ZNF410: variants seen among roughly 807,000 people sequenced by gnomAD.
ZNF410 encodes the protein another partner for ARF 1.
A neutral mutation model predicts 54.8 loss-of-function variants in ZNF410; 18 were observed. That is an observed-to-expected ratio of 0.33 (90% CI 0.23 to 0.49). ZNF410 has a LOEUF of 0.49. Among genes scored for constraint, ZNF410 ranks in the 20% least tolerant of loss-of-function variants. The pLI is 0.99. For missense variants in ZNF410, 405 were observed against 569.6 expected (o/e 0.71, Z 2.94); for synonymous variants, 191 against 207.3 (o/e 0.92, Z 0.68).
intron 8 of ZNF410, among the ~76,000 whole-genome samples, chr14:73,919,820 G>A (rs12050300): frequency 0.069 from 10,205 of 147,772 alleles, 859 homozygotes; most frequent in East Asian, 0.44. Flanking sequence ...GGGATTGCTG[G>A]TTCAAATGGT....
chr14:73,927,850 A>ATTTTTTT (rs769693607), intron 11 of ZNF410: 4 of 135,244 alleles, frequency 3.0e-5, no homozygotes, highest in Non-Finnish European at 3.1e-5. Flanking sequence ...TTTTTTTTTA[A>ATTTTTTT]TTTTTTAGAC....
chr14:73,905,142 T>C (rs1384006664), intron 7 of ZNF410, 59 bp downstream of exon 7: 3 of 1,554,704 alleles, frequency 1.9e-6, no homozygotes, highest in Non-Finnish European at 2.6e-6. Flanking sequence ...CATGTTTGCC[T>C]CTCCTTAGGA....
intron 4 of ZNF410, among the ~76,000 whole-genome samples, chr14:73,897,740 G>A (rs1019013750): frequency 2.0e-5 from 3 of 152,020 alleles, no homozygotes; most frequent in Non-Finnish European, 4.4e-5. Flanking sequence ...TTGGGAGGCC[G>A]ACGTGGGCGA....
At chr14:73,924,693 T>G in intron 11 of ZNF410, 1 of 450,232 alleles carries the variant, frequency 2.2e-6, no homozygotes. Flanking sequence ...CTTTTTTTTT[T>G]TGAGACAGAG....
chr14:73,908,133 A>G (rs1300956387), intron 7 of ZNF410, among the ~76,000 whole-genome samples: 1 of 152,070 alleles, frequency 6.6e-6, no homozygotes, highest in African/African-American at 2.4e-5. Context: ...ACAGACCCCA[A>G]AGGCCATGTT....
chr14:73,920,910 C>T, intron 8 of ZNF410, 70 bp from the exon 9 acceptor site: 1 of 1,589,366 alleles, frequency 6.3e-7, no homozygotes, highest in Non-Finnish European at 8.6e-7. Flanking sequence ...CTGGGTTTCT[C>T]CATCTAGGTC....
intron 7 of ZNF410, among the ~76,000 whole-genome samples, chr14:73,907,736 A>T (rs745532029): frequency 1.6e-4 from 25 of 152,078 alleles, no homozygotes; most frequent in Middle Eastern, 3.2e-3. Flanking sequence ...TACTAAAAAT[A>T]CAAAAATTAG....
Position 73,893,788 on chromosome 14 carries a change from T to TC in ZNF410, c.34-3dup, listed in dbSNP as rs748490279. On this transcript the variant is annotated splice_polypyrimidine_tract_variant and intron_variant, in intron 2 of 11. Transcript: ENST00000555044. ...TCGTATTTCTCAGTGTTGTCTTTTC[T>TC]CCCCCCAGCTCCTGGTACAGTTTGT... 9.6e-5 allele frequency: 152 copies of TC among 1,591,136 alleles called. 1 individual carries two copies. Among genetic ancestry groups the TC allele is most frequent in the East Asian group, 6.3e-4 (28 of 44,740 alleles).
chr14:73,920,910 C>A lies in ZNF410; in HGVS notation c.1004-70C>A. On this transcript the variant is annotated intron_variant, in intron 8 of 11. Coordinates refer to ENST00000555044, the MANE Select transcript of ZNF410 (RefSeq NM_021188.3). ...TCAGTTTAACATTCTCTGGGTTTCTCCATCTAGGTCTTGAGTTCATTCTCT... is the reference window on the plus strand; with the variant it reads ...TCAGTTTAACATTCTCTGGGTTTCTACATCTAGGTCTTGAGTTCATTCTCT... 2.5e-6 allele frequency: 4 copies of A among 1,589,366 alleles called. No individual in the cohort carries two copies. The Admixed American group carries it at 7.0e-5, about 28-fold the overall frequency.
In ZNF410 at chr14:73,896,521, C is replaced by T. The variant is rs149397897; in HGVS notation, c.375C>T (p.Asn125=). ...ATAGCACTTCTTTTATTCTTCTTAA[C>T]CTAACAAGAGCAGGTATTCTTTCCT... The part of the protein sequence containing the change: ...PSDSTSFILL[N]LTRAGLGSSA... Residue 125 remains asparagine, a synonymous_variant, in exon 4 of 12, where the codon AAC becomes AAT. Transcript: ENST00000555044. 4.5e-5 allele frequency: 72 copies of T among 1,613,948 alleles called. No individual in the cohort carries two copies. In the African/African-American group the frequency reaches 8.9e-4, roughly 20 times the overall value.
At chr14:73,896,117 C>T in intron 3 of ZNF410, 199 bp from the exon 4 acceptor site, 1 of 560,146 alleles carries the variant, frequency 1.8e-6, no homozygotes, top group Non-Finnish European at 3.2e-6. Context: ...TTCTGTTCCT[C>T]ACGTTTTGGC....
chr14:73,894,423 CT>C (rs759584257), intron 3 of ZNF410: 65,847 of 588,550 alleles, frequency 0.11, 16 homozygotes, highest in East Asian at 0.23. Flanking sequence ...TACATACTTG[CT>C]TTTTTTTTTT....
chr14:73,903,382 T>TA (rs571963372), intron 5 of ZNF410, among the ~76,000 whole-genome samples: 63 of 152,380 alleles, frequency 4.1e-4, no homozygotes, highest in African/African-American at 1.5e-3. Flanking sequence ...GGATATCTCT[T>TA]ACATTTGTCA....
intron 1 of ZNF410, chr14:73,891,738 CCA>C: frequency 2.7e-6 from 1 of 374,914 alleles, no homozygotes; most frequent in Non-Finnish European, 4.8e-6. Context: ...TACATTGCTT[CCA>C]GTTGTTTATT....
chr14:73,887,030 C>T (rs1217483517), intron 1 of ZNF410, 115 bp downstream of exon 1: 1 of 152,824 alleles, frequency 6.5e-6, no homozygotes, highest in Non-Finnish European at 1.5e-5. Context: ...GAGAGGAAAC[C>T]GCCCTCCTTG....
intron 7 of ZNF410, 160 bp downstream of exon 7, chr14:73,905,243 T>C (rs1036292547): frequency 1.2e-4 from 82 of 705,438 alleles, no homozygotes; most frequent in Non-Finnish European, 1.6e-4. Context: ...GTTGCACTTA[T>C]AATAACATTT....
At chr14:73,926,351 T>C (rs1177378828) in intron 11 of ZNF410, among the ~76,000 whole-genome samples, 3 of 147,616 alleles carry the variant, frequency 2.0e-5, no homozygotes, top group Non-Finnish European at 4.5e-5. Flanking sequence ...ATTTGTTTAA[T>C]ACTTCTCTTA....
At chr14:73,906,515 C>T (rs2055493222) in intron 7 of ZNF410, 1 of 151,894 alleles carries the variant, frequency 6.6e-6, no homozygotes, top group Non-Finnish European at 1.5e-5. Context: ...GAGTCTCACT[C>T]TGTCGCCCAG....
chr14:73,904,466 GA>G (rs1299093054), intron 6 of ZNF410, among the ~76,000 whole-genome samples: 2 of 152,140 alleles, frequency 1.3e-5, no homozygotes, highest in Non-Finnish European at 1.5e-5. Flanking sequence ...TTTTTTGTTT[GA>G]TTTTTTTTGT....
Sources: gnomAD v4.1 joint callset for allele counts (sites outside exome capture counted in the v4.1 genomes callset) on GRCh38, gnomAD v4.1.1 for gene constraint, MANE v1.5 for transcripts, NCBI Gene and HGNC (gene_info 2026-07-23, HGNC 2026-07-21) for gene names.